Variants in ZNF407 observed in about 807,000 individuals in gnomAD.
ZNF407 encodes the protein zinc finger protein 407.
A neutral mutation model predicts 131.2 loss-of-function variants in ZNF407; 17 were observed. The observed-to-expected ratio is 0.13, with a 90% confidence interval of 0.09 to 0.19. The LOEUF is 0.19. Ranked by LOEUF, ZNF407 falls within the 10% of genes least tolerant of loss-of-function variation. The probability of loss-of-function intolerance (pLI) is 1.00; values close to 1 mark genes in which losing one functional copy is unlikely to be tolerated. For synonymous variants in ZNF407, 1,156 were observed against 1,062.0 expected (o/e 1.09, Z -1.72); for missense variants, 2,681 against 2,830.6 (o/e 0.95, Z 1.20).
At chr18:74,960,329 G>C (rs1416457398) in intron 8 of ZNF407, among the ~76,000 whole-genome samples, 17 of 131,246 alleles carry the variant, frequency 1.3e-4, no homozygotes, top group South Asian at 2.7e-4. Flanking sequence ...GGTCCTGAGT[G>C]AGTGCTTGGT....
chr18:74,674,276 G>A (rs1986266948), intron 3 of ZNF407, among the ~76,000 whole-genome samples: 1 of 152,170 alleles, frequency 6.6e-6, no homozygotes, highest in African/African-American at 2.4e-5. Context: ...TGGCTCGTGA[G>A]AACCACTTGT....
chr18:75,024,405 T>C (rs1464569024), intron 8 of ZNF407, among the ~76,000 whole-genome samples: 2 of 152,238 alleles, frequency 1.3e-5, no homozygotes, highest in Non-Finnish European at 2.9e-5. Context: ...AAAAATGTAC[T>C]GAATTTCTCT....
intron 3 of ZNF407, among the ~76,000 whole-genome samples, chr18:74,757,293 A>G (rs926025665): frequency 1.3e-5 from 2 of 152,052 alleles, no homozygotes; most frequent in Admixed American, 6.6e-5. Context: ...TTAAAGATAT[A>G]AATTTCCCTG....
intron 6 of ZNF407, among the ~76,000 whole-genome samples, chr18:74,883,741 C>T (rs976390229): frequency 6.6e-6 from 1 of 152,214 alleles, no homozygotes; most frequent in African/African-American, 2.4e-5. Context: ...GAGCACCGCA[C>T]TATGACGACA....
chr18:75,054,983 T>C (rs983488684), intron 8 of ZNF407, among the ~76,000 whole-genome samples: 1 of 152,196 alleles, frequency 6.6e-6, no homozygotes, highest in African/African-American at 2.4e-5. Flanking sequence ...GCAGAAGGCT[T>C]GCACTGGAAG....
intron 1 of ZNF407, among the ~76,000 whole-genome samples, chr18:74,616,548 C>T (rs1394291101): frequency 6.6e-6 from 1 of 151,708 alleles, no homozygotes; most frequent in South Asian, 2.1e-4. Flanking sequence ...CACCCCTGTA[C>T]CCGCATTCTG....
At chr18:74,804,404 T>G in intron 4 of ZNF407, 1 of 1,008,466 alleles carries the variant, frequency 9.9e-7, no homozygotes, top group Non-Finnish European at 1.2e-6. Context: ...GCATATTCAG[T>G]AAGGAACATA....
At chr18:74,784,032 C>T (rs1212400469) in intron 4 of ZNF407, among the ~76,000 whole-genome samples, 2 of 152,152 alleles carry the variant, frequency 1.3e-5, no homozygotes, top group African/African-American at 4.8e-5. Context: ...TGCCAGTCTC[C>T]TTGTTTCCAT....
chr18:74,755,005 A>G (rs1036215507), intron 3 of ZNF407, among the ~76,000 whole-genome samples: 1 of 152,158 alleles, frequency 6.6e-6, no homozygotes, highest in African/African-American at 2.4e-5. Context: ...CAGGTCTCTA[A>G]GGACTTGCTT....
chr18:74,999,711 T>A (rs912329759), intron 8 of ZNF407, among the ~76,000 whole-genome samples: 2 of 152,228 alleles, frequency 1.3e-5, no homozygotes, highest in African/African-American at 2.4e-5. Flanking sequence ...TTTATATGAA[T>A]ATGAGTCACT....
At chr18:74,702,631 G>A (rs1967526054) in intron 3 of ZNF407, among the ~76,000 whole-genome samples, 1 of 152,080 alleles carries the variant, frequency 6.6e-6, no homozygotes, top group African/African-American at 2.4e-5. Context: ...TCCAGTGCAT[G>A]TAAATGAGTT....
rs559747797 is a variant in ZNF407, at chr18:74,957,352, G to A, written c.5428+36660G>A. Among the ~76,000 whole-genome samples the A allele has an allele frequency of 6.2e-4, 94 of 152,172 alleles. 1 individual carries two copies. The highest frequency in any genetic ancestry group is 2.1e-3 in the African/African-American group (89 of 41,496). ...CTTTCCATAGGCAGATGCTTCACTC[G>A]CGGCCAGCTTATTTGGGAGGTGTTG... On this transcript the variant is annotated intron_variant, in intron 8 of 8. Coordinates refer to ENST00000299687, the MANE Select transcript of ZNF407 (RefSeq NM_017757.3).
chr18:74,711,858 G>A (rs1225971025), intron 3 of ZNF407, among the ~76,000 whole-genome samples: 1 of 151,920 alleles, frequency 6.6e-6, no homozygotes, highest in Non-Finnish European at 1.5e-5. Flanking sequence ...TTACAGGCAC[G>A]TGCCACCACA....
At chr18:74,790,459 G>A (rs12959689) in intron 4 of ZNF407, among the ~76,000 whole-genome samples, 1 of 151,998 alleles carries the variant, frequency 6.6e-6, no homozygotes, top group Non-Finnish European at 1.5e-5. Flanking sequence ...ACTCAGATTT[G>A]GGGTATAAGA....
chr18:74,936,655 A>T (rs1425884326), intron 8 of ZNF407, among the ~76,000 whole-genome samples: 4 of 152,190 alleles, frequency 2.6e-5, no homozygotes, highest in Non-Finnish European at 5.9e-5. Flanking sequence ...TTGACTCTGT[A>T]TGAACCTCTG....
intron 7 of ZNF407, chr18:74,898,299 G>A (rs1217797426): frequency 6.6e-6 from 1 of 151,966 alleles, no homozygotes; most frequent in Non-Finnish European, 1.5e-5. Flanking sequence ...TTACATCTTT[G>A]TCTTCTTAAT....
intron 4 of ZNF407, among the ~76,000 whole-genome samples, chr18:74,849,059 T>TC (rs1160077977): frequency 6.9e-6 from 1 of 145,130 alleles, no homozygotes; most frequent in East Asian, 2.0e-4. Flanking sequence ...TTTCTTTTTT[T>TC]TTTTTTTATT....
chr18:75,047,317 G>T (rs1194993916), intron 8 of ZNF407, among the ~76,000 whole-genome samples: 3 of 152,172 alleles, frequency 2.0e-5, no homozygotes, highest in East Asian at 3.8e-4. Flanking sequence ...AAAACAGAAG[G>T]TACTCATAAC....
intron 3 of ZNF407, among the ~76,000 whole-genome samples, chr18:74,671,611 A>T (rs781594010): frequency 6.6e-6 from 1 of 152,088 alleles, no homozygotes; most frequent in Non-Finnish European, 1.5e-5. Flanking sequence ...AACATGCAGC[A>T]TTGGGTTTTC....
Sources: gnomAD v4.1 joint callset for allele counts (sites outside exome capture counted in the v4.1 genomes callset) on GRCh38, gnomAD v4.1.1 for gene constraint, MANE v1.5 for transcripts, NCBI Gene and HGNC (gene_info 2026-07-23, HGNC 2026-07-21) for gene names.